BRF1: variants seen among roughly 807,000 people sequenced by gnomAD.
BRF1 encodes transcription factor IIIB 90 kDa subunit.
A neutral mutation model predicts 81.7 loss-of-function variants in BRF1; 59 were observed. The ratio of observed to expected loss-of-function variants is 0.72; its 90% confidence interval spans 0.59 to 0.90. The LOEUF is 0.90. Ranked by LOEUF, BRF1 falls within the 40% of genes least tolerant of loss-of-function variation. The pLI, the probability that BRF1 is intolerant of heterozygous loss-of-function variation, is 0.00. For missense variants in BRF1, 1,050 were observed against 936.3 expected, an observed-to-expected ratio of 1.12 and a Z score of -1.58; for synonymous variants, 491 against 395.6, an observed-to-expected ratio of 1.24 and a Z score of -2.86.
intron 3 of BRF1, among the ~76,000 whole-genome samples, chr14:105,257,774 G>C (rs758748609): frequency 2.0e-5 from 3 of 152,134 alleles, no homozygotes; most frequent in Non-Finnish European, 4.4e-5. Flanking sequence ...ACACACCAAC[G>C]GGAAAAGTGA....
intron 3 of BRF1, among the ~76,000 whole-genome samples, chr14:105,262,475 T>C (rs1490607860): frequency 6.6e-6 from 1 of 152,210 alleles, no homozygotes; most frequent in East Asian, 1.9e-4. Context: ...ACTAAATCCC[T>C]GAGCCACTGC....
chr14:105,278,568 C>T (rs964497626), intron 2 of BRF1, among the ~76,000 whole-genome samples: 6 of 152,008 alleles, frequency 3.9e-5, no homozygotes, highest in African/African-American at 9.7e-5. Flanking sequence ...AAGTCACAAA[C>T]AGCCCTAACC....
chr14:105,304,536 C>G (rs587691076), upstream of BRF1, among the ~76,000 whole-genome samples: 1 of 152,318 alleles, frequency 6.6e-6, no homozygotes, highest in South Asian at 2.1e-4. Flanking sequence ...GGGTGAGGCT[C>G]TACTGGGCAA....
intron 1 of BRF1, among the ~76,000 whole-genome samples, chr14:105,293,029 C>T (rs1459710752): frequency 6.6e-6 from 1 of 152,228 alleles, no homozygotes; most frequent in Non-Finnish European, 1.5e-5. Flanking sequence ...GGCAACGGGA[C>T]AGAATTCACC....
intron 3 of BRF1, among the ~76,000 whole-genome samples, chr14:105,257,084 T>C (rs956678087): frequency 2.0e-5 from 3 of 152,094 alleles, no homozygotes; most frequent in African/African-American, 7.2e-5. Context: ...CACTGGGGGC[T>C]GCGCTCGAGA....
At chr14:105,257,353 A>T (rs2055930243) in intron 3 of BRF1, among the ~76,000 whole-genome samples, 1 of 152,172 alleles carries the variant, frequency 6.6e-6, no homozygotes, top group South Asian at 2.1e-4. Context: ...CCGGGACCAG[A>T]GCAGCAAAGC....
chr14:105,267,936 C>T (rs980890798), intron 3 of BRF1, among the ~76,000 whole-genome samples: 8 of 151,360 alleles, frequency 5.3e-5, no homozygotes, highest in East Asian at 1.9e-4. Context: ...TGGCGGCTGG[C>T]GGCAGAGGCC....
Position 105,226,279 on chromosome 14 carries a change from G to C in BRF1, c.927C>G (p.Val309=). 6.2e-7 allele frequency: 1 copy of C among 1,614,060 alleles called. No homozygotes were observed. Among genetic ancestry groups the C allele is most frequent in the Non-Finnish European group, 8.5e-7 (1 of 1,180,016 alleles). The change falls in exon 9 of 18, where the codon GTC becomes GTG. Residue 309 remains valine (V), a synonymous_variant. Coordinates refer to ENST00000547530, the MANE Select transcript of BRF1 (RefSeq NM_001519.4). ...RKLRMKQLEQ[V]LSKKLEEVEG... Reference sequence around the variant, plus strand: ...CAACCTCCTCCAGTTTTTTTGACAGGACTTGTTCAAGCTGAAAGGGAACAG... The same window carrying C: ...CAACCTCCTCCAGTTTTTTTGACAGCACTTGTTCAAGCTGAAAGGGAACAG...
chr14:105,250,711 GA>G, intron 5 of BRF1: 1 of 1,568,572 alleles, frequency 6.4e-7, no homozygotes, highest in Non-Finnish European at 8.7e-7. Flanking sequence ...CGAGTGAGTG[GA>G]GGGGAAGTCA....
chr14:105,210,515 C>A lies in BRF1; in HGVS notation c.*36G>T. ...CTGATGCTGAGGAGACCCGCGAGGCCCCCTGCCAGGACATCACCTGCCTGG... is the reference window on the plus strand; with the variant it reads ...CTGATGCTGAGGAGACCCGCGAGGCACCCTGCCAGGACATCACCTGCCTGG... On this transcript the variant is annotated 3_prime_UTR_variant, in exon 18 of 18. Transcript: ENST00000547530. This position sits in a 1 kb window ranked among gnomAD's most constrained non-coding sequence, Gnocchi z 4.7. 6.2e-7 allele frequency: 1 copy of A among 1,608,338 alleles called. No individual in the cohort carries two copies. Among genetic ancestry groups the A allele is most frequent in the South Asian group, 1.1e-5 (1 of 90,856 alleles).
chr14:105,268,628 C>A (rs2056526975), intron 3 of BRF1, among the ~76,000 whole-genome samples: 1 of 152,234 alleles, frequency 6.6e-6, no homozygotes, highest in Admixed American at 6.5e-5. Flanking sequence ...GAGAGGATTT[C>A]TTGTATCCAG....
chr14:105,251,323 T>C (rs1420543461), intron 5 of BRF1, among the ~76,000 whole-genome samples: 2 of 152,144 alleles, frequency 1.3e-5, no homozygotes, highest in Non-Finnish European at 2.9e-5. Context: ...TCCTAATGCA[T>C]CACTAGCACC....
chr14:105,247,487 G>C (rs1595372895), intron 5 of BRF1: 1 of 985,360 alleles, frequency 1.0e-6, no homozygotes, highest in Non-Finnish European at 1.2e-6. Flanking sequence ...TTCCTGACTT[G>C]TAGTTGCTCC....
intron 5 of BRF1, chr14:105,248,525 G>A (rs2055289959): frequency 1.0e-6 from 1 of 964,864 alleles, no homozygotes; most frequent in Non-Finnish European, 1.2e-6. Context: ...GCGGGGCGCG[G>A]CCCTGACGCA....
At position 105,241,249 on chromosome 14, in the gene BRF1, G is replaced by T. The variant is rs112149503; in HGVS notation, c.694+16C>A. 26 of 1,608,580 alleles carry T rather than the reference G, an allele frequency of 1.6e-5. No homozygotes were observed. In the African/African-American group the frequency reaches 3.1e-4, roughly 19 times the overall value. On this transcript the variant is annotated intron_variant, in intron 6 of 17. Coordinates refer to ENST00000547530, the MANE Select transcript of BRF1 (RefSeq NM_001519.4). Reference sequence around the variant, plus strand: ...ACCCAGACCAGCATCCCCCAGGCAGGCAGGGCCCGCTGTACCTGCTCCGCA... The same window carrying T: ...ACCCAGACCAGCATCCCCCAGGCAGTCAGGGCCCGCTGTACCTGCTCCGCA...
chr14:105,304,931 T>C (rs947757339), upstream of BRF1, among the ~76,000 whole-genome samples: 2 of 152,196 alleles, frequency 1.3e-5, no homozygotes, highest in Non-Finnish European at 2.9e-5. Context: ...CTCCACAATA[T>C]GTGGGAATTC....
chr14:105,287,420 C>T lies in BRF1; in HGVS notation c.185-1044G>A, dbSNP rs150915715. Reference sequence around the variant, plus strand: ...GGGGAGAGCTGGAAAGTGCCCCCCGCCCCGCAGCGTCGGCCCTCAGTGGTT... The same window carrying T: ...GGGGAGAGCTGGAAAGTGCCCCCCGTCCCGCAGCGTCGGCCCTCAGTGGTT... On this transcript the variant is annotated intron_variant, in intron 1 of 17. Transcript: ENST00000547530. Among the ~76,000 whole-genome samples, 1,061 of 152,314 alleles carry T rather than the reference C, an allele frequency of 7.0e-3. 15 individuals are homozygous for T. Among genetic ancestry groups the T allele is most frequent in the African/African-American group, 0.024 (1,017 of 41,566 alleles).
chr14:105,241,584 C>T (rs991807699), intron 5 of BRF1, 170 bp from the exon 6 acceptor site: 12 of 865,494 alleles, frequency 1.4e-5, no homozygotes, highest in Non-Finnish European at 1.9e-5. Flanking sequence ...GCTAGGGCAG[C>T]CATCGCACCG....
chr14:105,212,060 G>A lies in BRF1; in HGVS notation c.1824+53C>T, dbSNP rs1438019692. 8.1e-6 allele frequency: 13 copies of A among 1,598,698 alleles called. No homozygotes were observed. In the Middle Eastern group the frequency reaches 5.0e-4, roughly 61 times the overall value. On this transcript the variant is annotated intron_variant, in intron 16 of 17. Transcript: ENST00000547530. Reference sequence around the variant, plus strand: ...CAGACCAAGCATCTGGGCCCAGGAAGAAGTGGGCTGCCTCCCAAGGTCTCC... The same window carrying A: ...CAGACCAAGCATCTGGGCCCAGGAAAAAGTGGGCTGCCTCCCAAGGTCTCC...
Sources: gnomAD v4.1 joint callset for allele counts (sites outside exome capture counted in the v4.1 genomes callset) on GRCh38, gnomAD v4.1.1 for gene constraint, Gnocchi (gnomAD v3.1) non-coding constraint, MANE v1.5 for transcripts, NCBI Gene and HGNC (gene_info 2026-07-23, HGNC 2026-07-21) for gene names.